Variants in OR6C2 observed in about 807,000 individuals in gnomAD.
OR6C2 encodes olfactory receptor 6C2.
For missense variants in OR6C2, 435 were observed against 365.8 expected (o/e 1.19, Z -1.54); for synonymous variants, 146 against 134.2 (o/e 1.09, Z -0.61).
At position 55,451,978 on chromosome 12, in the gene OR6C2, T is replaced by C. The variant is rs1871481625; in HGVS notation, c.-236T>C. ...GGATAAGGAATGATCAAAGAAAAAG[T>C]TGGATTGTTTTACAAAACTTGATTT... is the stretch of plus-strand genomic sequence containing the variant. On this transcript the variant is annotated 5_prime_UTR_variant, in exon 2 of 2. Coordinates refer to ENST00000641202, the MANE Select transcript of OR6C2 (RefSeq NM_054105.2). 2.6e-6 allele frequency: 1 copy of C among 385,404 alleles called. No homozygotes were observed. The highest frequency in any genetic ancestry group is 2.1e-5 in the African/African-American group (1 of 48,124). The allele number at this position is 385,404 out of a possible 1,614,324, so 23.9% of individuals were successfully genotyped here. A position where few individuals can be genotyped will look rare whatever the true frequency, so the allele number is the denominator to read the frequency against.
rs59178718 is a variant in OR6C2, at chr12:55,448,643, C to CAAA, written c.-887-2670_-887-2668dup. 6.1e-4 allele frequency among the ~76,000 whole-genome samples: 44 copies of CAAA among 71,718 alleles called. 4 individuals carry two copies. Among genetic ancestry groups the CAAA allele is most frequent in the African/African-American group, 1.2e-3 (23 of 19,424 alleles). The allele number at this position is 71,718 out of a possible 152,430, so 47.0% of individuals were successfully genotyped here. Reference sequence around the variant, plus strand: ...TCCTGTATCTGGCTTCCATTCACTGCAAAAAAAAAAAAAAAAGAAAGAAAA... The same window carrying CAAA: ...TCCTGTATCTGGCTTCCATTCACTGCAAAAAAAAAAAAAAAAAAAGAAAGAAAA... On this transcript the variant is annotated intron_variant, in intron 1 of 1. Coordinates refer to ENST00000641202, the MANE Select transcript of OR6C2 (RefSeq NM_054105.2).
rs1285070269 is a variant in OR6C2 at position 55,451,696 on chromosome 12, G to A, written c.-518G>A. The A allele has an allele frequency of 1.3e-5, 2 of 152,148 alleles. No individual in the cohort carries two copies. Among genetic ancestry groups the A allele is most frequent in the African/African-American group, 4.8e-5 (2 of 41,420 alleles). The allele number at this position is 152,148 out of a possible 1,614,324, so 9.4% of individuals were successfully genotyped here. Reference sequence around the variant, plus strand: ...ATAAAAAGACCGGGGAAAGGCTCAGGGACAACGGTTGTATTCTGTTGTCAT... The same window carrying A: ...ATAAAAAGACCGGGGAAAGGCTCAGAGACAACGGTTGTATTCTGTTGTCAT... On this transcript the variant is annotated 5_prime_UTR_variant, in exon 2 of 2. Transcript: ENST00000641202.
In OR6C2 at chr12:55,452,869, TAGTC is replaced by T. The variant is rs1192435913; in HGVS notation, c.659_662del (p.Val220GlufsTer4). 3 of 1,613,878 alleles carry T rather than the reference TAGTC, an allele frequency of 1.9e-6. No homozygotes were observed. The highest frequency in any genetic ancestry group is 1.3e-5 in the African/African-American group (1 of 75,026). On this transcript the variant is annotated frameshift_variant, in exon 2 of 2. Coordinates refer to ENST00000641202, the MANE Select transcript of OR6C2 (RefSeq NM_054105.2). LOFTEE classifies it low-confidence loss of function (END_TRUNC). ...TGTGTGATTCTGTCCTACTTGTACA[TAGTC>T]AGAACAATTCTGAAGTTCCCTTCTG...
chr12:55,453,144 A>G lies in OR6C2; in HGVS notation c.931A>G (p.Lys311Glu). 2 of 1,609,144 alleles carry G rather than the reference A, an allele frequency of 1.2e-6. No individual in the cohort carries two copies. Among genetic ancestry groups the G allele is most frequent in the African/African-American group, 1.3e-5 (1 of 74,604 alleles). ...DSIKRIAFLS[K>E]K is the part of the protein sequence containing the mutation. ...TATAAAGAGGATTGCATTTCTCTCA[A>G]AGAAGTAGAAGCTGTGATGAATTGG... Residue 311 changes from lysine (K) to glutamate (E), a missense_variant, in exon 2 of 2, where the codon AAG becomes GAG. Lys to Glu is a moderately conservative substitution (Grantham distance 56, BLOSUM62 1). Coordinates refer to ENST00000641202, the MANE Select transcript of OR6C2 (RefSeq NM_054105.2).
chr12:55,450,306 C>T (rs1364233584), intron 1 of OR6C2, among the ~76,000 whole-genome samples: 1 of 152,020 alleles, frequency 6.6e-6, no homozygotes, highest in East Asian at 1.9e-4. Context: ...ATGCACCAGT[C>T]AGTCAAAAGA....
intron 1 of OR6C2, among the ~76,000 whole-genome samples, chr12:55,447,219 A>G (rs1179026877): frequency 6.6e-6 from 1 of 152,130 alleles, no homozygotes; most frequent in Non-Finnish European, 1.5e-5. Flanking sequence ...CTTGCACACA[A>G]CCATGAAACC....
Position 55,451,426 on chromosome 12 carries a change from G to C in OR6C2, c.-788G>C, listed in dbSNP as rs938544904. ...GAGAACATACGATGTCTTTCTAAAG[G>C]ACCTAAAGATATATTGAAAAAGACG... On this transcript the variant is annotated 5_prime_UTR_variant, in exon 2 of 2. Coordinates refer to ENST00000641202, the MANE Select transcript of OR6C2 (RefSeq NM_054105.2). The C allele has an allele frequency of 6.6e-6, 1 of 151,912 alleles. No homozygotes were observed. Among genetic ancestry groups the C allele is most frequent in the African/African-American group, 2.4e-5 (1 of 41,358 alleles). 9.4% of individuals were successfully genotyped at this position (151,912 alleles called of 1,614,324 possible).
intron 1 of OR6C2, among the ~76,000 whole-genome samples, chr12:55,446,959 G>A (rs886596688): frequency 2.6e-5 from 4 of 152,096 alleles, no homozygotes; most frequent in Admixed American, 6.6e-5. Flanking sequence ...CTTTAAGACC[G>A]TCAGAACAAG....
chr12:55,450,191 G>C (rs981561788), intron 1 of OR6C2, among the ~76,000 whole-genome samples: 3 of 151,984 alleles, frequency 2.0e-5, no homozygotes, highest in African/African-American at 7.2e-5. Flanking sequence ...AATACAATGT[G>C]ATATAATCCA....
In OR6C2 at chr12:55,452,045, AG is replaced by A. The variant is rs1212097698; in HGVS notation, c.-167del. The A allele has an allele frequency of 2.0e-6, 1 of 491,936 alleles. No individual in the cohort carries two copies. 30.5% of individuals were successfully genotyped at this position (491,936 alleles called of 1,614,324 possible). A position where few individuals can be genotyped will look rare whatever the true frequency, so the allele number is the denominator to read the frequency against. ...CTGCTCATATATGTGAAATTTAGAA[AG>A]GTTATTGGAACACTGGCAACATTGA... On this transcript the variant is annotated 5_prime_UTR_variant, in exon 2 of 2. Transcript: ENST00000641202.
chr12:55,451,695 G>A lies in OR6C2; in HGVS notation c.-519G>A, dbSNP rs1871475302. ...AATAAAAAGACCGGGGAAAGGCTCA[G>A]GGACAACGGTTGTATTCTGTTGTCA... On this transcript the variant is annotated 5_prime_UTR_variant, in exon 2 of 2. Transcript: ENST00000641202. 1 of 152,192 alleles carries A rather than the reference G, an allele frequency of 6.6e-6. No homozygotes were observed. The highest frequency in any genetic ancestry group is 1.5e-5 in the Non-Finnish European group (1 of 68,116). The allele number at this position is 152,192 out of a possible 1,614,324, so 9.4% of individuals were successfully genotyped here.
chr12:55,448,360 G>T (rs1298586758), intron 1 of OR6C2, among the ~76,000 whole-genome samples: 2 of 150,820 alleles, frequency 1.3e-5, no homozygotes, highest in Non-Finnish European at 3.0e-5. Flanking sequence ...AAAATATAAG[G>T]ATGAGTGAAT....
Position 55,452,531 on chromosome 12 carries a change from A to G in OR6C2, c.318A>G (p.Gly106=), listed in dbSNP as rs1394120321. 6.2e-7 allele frequency: 1 copy of G among 1,613,846 alleles called. No individual in the cohort carries two copies. The highest frequency in any genetic ancestry group is 2.2e-5 in the East Asian group (1 of 44,874). The change falls in exon 2 of 2, where the codon GGA becomes GGG. Residue 106 remains glycine (G), a synonymous_variant. Coordinates refer to ENST00000641202, the MANE Select transcript of OR6C2 (RefSeq NM_054105.2). ...ASQIFFVILF[G]ATEFFLLAAM... ...AAATATTCTTTGTTATTCTCTTTGG[A>G]GCAACAGAATTTTTTCTCTTGGCAG...
rs772293403 is a variant in OR6C2 at position 55,452,301 on chromosome 12, T to C, written c.88T>C (p.Phe30Leu). 7 of 1,613,508 alleles carry C rather than the reference T, an allele frequency of 4.3e-6. No individual in the cohort carries two copies. The highest frequency in any genetic ancestry group is 1.7e-5 in the Admixed American group (1 of 59,918). ...GCAAGTTCTGCTTTTTATCTTTCTA[T>C]TTCTCACCTACATGTTGAGTGTAAC... is the stretch of plus-strand genomic sequence containing the variant. ...HLQVLLFIFL[F>L]LTYMLSVTGN... The change falls in exon 2 of 2, where the codon TTT (phenylalanine) becomes CTT (leucine). Residue 30 changes from phenylalanine (F) to leucine (L), a missense_variant. Coordinates refer to ENST00000641202, the MANE Select transcript of OR6C2 (RefSeq NM_054105.2).
chr12:55,452,992 C>T lies in OR6C2; in HGVS notation c.779C>T (p.Pro260Leu), dbSNP rs778507260. The T allele has an allele frequency of 1.2e-6, 2 of 1,613,524 alleles. No individual in the cohort carries two copies. Among genetic ancestry groups the T allele is most frequent in the African/African-American group, 2.7e-5 (2 of 74,854 alleles). ...AGCTGCATCTTCATCTATATCAAGC[C>T]CTCTGCAAAAGATGAGGTGGCCATA... Reference protein sequence around the residue: ...YGSCIFIYIKPSAKDEVAINK... With the variant: ...YGSCIFIYIKLSAKDEVAINK... The change falls in exon 2 of 2, where the codon CCC (proline) becomes CTC (leucine). Residue 260 changes from proline to leucine, a missense_variant. Pro to Leu is a moderately conservative substitution (Grantham distance 98, BLOSUM62 -3). Coordinates refer to ENST00000641202, the MANE Select transcript of OR6C2 (RefSeq NM_054105.2).
Position 55,452,451 on chromosome 12 carries a change from T to C in OR6C2, c.238T>C (p.Leu80=), listed in dbSNP as rs200071821. The change falls in exon 2 of 2, where the codon TTG becomes CTG. Residue 80 remains leucine, a synonymous_variant. Transcript: ENST00000641202. ...TACTACAGTCTGCATTCCCAGATTCTTGTACAATATATCAATGGGGGACAA... is the reference window on the plus strand; with the variant it reads ...TACTACAGTCTGCATTCCCAGATTCCTGTACAATATATCAATGGGGGACAA... ...SFTTVCIPRF[L]YNISMGDNTI... 1 of 1,613,700 alleles carries C rather than the reference T, an allele frequency of 6.2e-7. No homozygotes were observed. Among genetic ancestry groups the C allele is most frequent in the East Asian group, 2.2e-5 (1 of 44,882 alleles).
chr12:55,452,219 A>G lies in OR6C2; in HGVS notation c.6A>G (p.Lys2=). 6.4e-7 allele frequency: 1 copy of G among 1,558,330 alleles called. No individual in the cohort carries two copies. The highest frequency in any genetic ancestry group is 8.7e-7 in the Non-Finnish European group (1 of 1,153,208). The change falls in exon 2 of 2, where the codon AAA becomes AAG. Residue 2 remains lysine (K), a synonymous_variant. Coordinates refer to ENST00000641202, the MANE Select transcript of OR6C2 (RefSeq NM_054105.2). The stretch of plus-strand genomic sequence containing the variant: ...GTAGATATCAAAGAACAGTGATGAA[A>G]AACCACACAGTAATAAGAACTTTTA... M[K]NHTVIRTFIL...
chr12:55,453,244 G>C lies in OR6C2; in HGVS notation c.*92G>C. 2 of 822,142 alleles carry C rather than the reference G, an allele frequency of 2.4e-6. No homozygotes were observed. Among genetic ancestry groups the C allele is most frequent in the Non-Finnish European group, 3.8e-6 (2 of 521,588 alleles). 50.9% of individuals were successfully genotyped at this position (822,142 alleles called of 1,614,324 possible). ...CTTATTTCATTGCTTCCTGACTACA[G>C]TTTAGTCATGTGAACCTTCTCAATG... On this transcript the variant is annotated 3_prime_UTR_variant, in exon 2 of 2. Transcript: ENST00000641202.
intron 1 of OR6C2, among the ~76,000 whole-genome samples, chr12:55,448,576 ACCT>A (rs1871404802): frequency 7.0e-6 from 1 of 142,022 alleles, no homozygotes; most frequent in African/African-American, 2.6e-5. Flanking sequence ...AAAAAAAAAG[ACCT>A]AAAACTAAAC....
Sources: gnomAD v4.1 joint callset for allele counts (sites outside exome capture counted in the v4.1 genomes callset) on GRCh38, gnomAD v4.1.1 for gene constraint, MANE v1.5 for transcripts, NCBI Gene and HGNC (gene_info 2026-07-23, HGNC 2026-07-21) for gene names.